COL8A1: variants seen among roughly 807,000 people sequenced by gnomAD.
COL8A1 encodes collagen alpha-1(VIII) chain.
A neutral mutation model predicts 42.7 loss-of-function variants in COL8A1; 21 were observed. That is an observed-to-expected ratio of 0.49 (90% CI 0.35 to 0.71). COL8A1 has a LOEUF of 0.71. Ranked by LOEUF, COL8A1 falls within the 30% of genes least tolerant of loss-of-function variation. COL8A1 has a pLI of 0.01. For synonymous variants in COL8A1, 367 were observed against 369.1 expected, an observed-to-expected ratio of 0.99 and a Z score of 0.06; for missense variants, 788 against 962.4, an observed-to-expected ratio of 0.82 and a Z score of 2.40.
intron 1 of COL8A1, among the ~76,000 whole-genome samples, chr3:99,706,452 T>A (rs1253491571): frequency 6.6e-6 from 1 of 150,988 alleles, no homozygotes; most frequent in Non-Finnish European, 1.5e-5. Context: ...GTGCTAACCA[T>A]ATCTGAGGCA....
intron 1 of COL8A1, among the ~76,000 whole-genome samples, chr3:99,682,605 A>T (rs149502463): frequency 4.1e-3 from 611 of 148,518 alleles, no homozygotes; most frequent in Non-Finnish European, 7.4e-3. Flanking sequence ...AAGTAAAAGG[A>T]ATGTGAAATT....
intron 2 of COL8A1, among the ~76,000 whole-genome samples, chr3:99,788,374 T>A (rs575801377): frequency 6.6e-6 from 1 of 152,346 alleles, no homozygotes; most frequent in Non-Finnish European, 1.5e-5. Context: ...TTCATTAGAT[T>A]GTCCTGGTTT....
intron 1 of COL8A1, among the ~76,000 whole-genome samples, chr3:99,670,637 G>A (rs1171298242): frequency 2.0e-5 from 3 of 151,772 alleles, no homozygotes; most frequent in Non-Finnish European, 4.4e-5. Context: ...TTTGAACTTC[G>A]CTTTCTTAGT....
At chr3:99,643,304 T>C (rs1032815823) in intron 1 of COL8A1, among the ~76,000 whole-genome samples, 1 of 152,212 alleles carries the variant, frequency 6.6e-6, no homozygotes. Flanking sequence ...ATACCTCTAC[T>C]ACCAAATGTC....
chr3:99,678,307 T>C (rs1938762112), intron 1 of COL8A1: 1 of 152,104 alleles, frequency 6.6e-6, no homozygotes, highest in Non-Finnish European at 1.5e-5. Context: ...TTCAAACAAC[T>C]GCTGGTTTGT....
intron 1 of COL8A1, among the ~76,000 whole-genome samples, chr3:99,650,080 C>A (rs1026526173): frequency 2.6e-5 from 4 of 152,120 alleles, no homozygotes; most frequent in Non-Finnish European, 5.9e-5. Flanking sequence ...TCTTCACCTC[C>A]CTCAAGTCTA....
rs1389142674 is a variant in COL8A1 at position 99,734,262 on chromosome 3, C to CTAGGGTTTT, written c.-128-10625_-128-10617dup. 1.4e-5 allele frequency among the ~76,000 whole-genome samples: 2 copies of CTAGGGTTTT among 139,726 alleles called. 1 individual carries two copies. Among genetic ancestry groups the CTAGGGTTTT allele is most frequent in the Non-Finnish European group, 3.1e-5 (2 of 65,358 alleles). The allele number at this position is 139,726 out of a possible 152,430, so 91.7% of individuals were successfully genotyped here. ...TGAATAGTATTGCCTAGGTTTTCTT[C>CTAGGGTTTT]TAGGGTTTTTAGGGTTTTAGGTCTA... On this transcript the variant is annotated intron_variant, in intron 1 of 3. Coordinates refer to ENST00000652472, the MANE Select transcript of COL8A1 (RefSeq NM_020351.4).
intron 1 of COL8A1, among the ~76,000 whole-genome samples, chr3:99,710,052 C>T (rs965788155): frequency 1.3e-5 from 2 of 152,130 alleles, no homozygotes; most frequent in Non-Finnish European, 2.9e-5. Flanking sequence ...CATTCAAATG[C>T]CATTTAACTC....
chr3:99,796,370 C>A lies in COL8A1; in HGVS notation c.*234C>A. The A allele has an allele frequency of 2.6e-6, 1 of 389,840 alleles. No individual in the cohort carries two copies. Among genetic ancestry groups the A allele is most frequent in the Non-Finnish European group, 4.6e-6 (1 of 217,416 alleles). 24.1% of individuals were successfully genotyped at this position (389,840 alleles called of 1,614,324 possible). ...GATAGAGTTATGTATCAAGTACTGACACTTGGTTGTACCCACTGGAATCAT... is the reference window on the plus strand; with the variant it reads ...GATAGAGTTATGTATCAAGTACTGAAACTTGGTTGTACCCACTGGAATCAT... On this transcript the variant is annotated 3_prime_UTR_variant, in exon 4 of 4. Transcript: ENST00000652472.
chr3:99,731,042 C>A (rs961949152), intron 1 of COL8A1, among the ~76,000 whole-genome samples: 2 of 151,970 alleles, frequency 1.3e-5, no homozygotes, highest in Non-Finnish European at 2.9e-5. Flanking sequence ...GAATGCCTAC[C>A]ATGTGCCAGG....
chr3:99,644,508 C>T (rs1026496336), intron 1 of COL8A1, among the ~76,000 whole-genome samples: 1 of 152,222 alleles, frequency 6.6e-6, no homozygotes. Flanking sequence ...AATAAGCAGA[C>T]AGATGTTAGC....
intron 1 of COL8A1, among the ~76,000 whole-genome samples, chr3:99,716,118 C>T (rs1461453696): frequency 2.0e-5 from 3 of 152,008 alleles, no homozygotes; most frequent in Non-Finnish European, 4.4e-5. Flanking sequence ...ACTTGGTGCA[C>T]CACATCTCAG....
rs879133583 is a variant in COL8A1, at chr3:99,734,305, C to T, written c.-128-10592C>T. Among the ~76,000 whole-genome samples the T allele has an allele frequency of 5.8e-5, 8 of 137,416 alleles. 2 individuals are homozygous for T. Among genetic ancestry groups the T allele is most frequent in the Admixed American group, 4.9e-4 (7 of 14,394 alleles). 90.2% of individuals were successfully genotyped at this position (137,416 alleles called of 152,430 possible). A position where few individuals can be genotyped will look rare whatever the true frequency, so the allele number is the denominator to read the frequency against. ...TAGGTCTAACATTTAAGTCTTCAATCCATCTTGAATTAATTTTTGTATAAG... is the reference window on the plus strand; with the variant it reads ...TAGGTCTAACATTTAAGTCTTCAATTCATCTTGAATTAATTTTTGTATAAG... On this transcript the variant is annotated intron_variant, in intron 1 of 3. Coordinates refer to ENST00000652472, the MANE Select transcript of COL8A1 (RefSeq NM_020351.4).
intron 2 of COL8A1, among the ~76,000 whole-genome samples, chr3:99,773,821 A>G (rs1393062761): frequency 1.5e-4 from 9 of 60,132 alleles, no homozygotes; most frequent in Non-Finnish European, 2.3e-4. Flanking sequence ...GTGTGTATAT[A>G]TATATATATA....
At chr3:99,740,392 T>A (rs1708167) in intron 1 of COL8A1, among the ~76,000 whole-genome samples, 71,753 of 152,062 alleles carry the variant, frequency 0.47, 17,208 homozygotes, top group East Asian at 0.63. Flanking sequence ...CTGGGTAATA[T>A]ATAAAGGCAA....
intron 1 of COL8A1, among the ~76,000 whole-genome samples, chr3:99,670,093 GT>G (rs1938495611): frequency 6.6e-6 from 1 of 152,032 alleles, no homozygotes; most frequent in African/African-American, 2.4e-5. Flanking sequence ...TTGCCTTGGT[GT>G]GAAATATATA....
At chr3:99,787,732 A>G (rs1201850195) in intron 2 of COL8A1, among the ~76,000 whole-genome samples, 1 of 152,212 alleles carries the variant, frequency 6.6e-6, no homozygotes, top group Non-Finnish European at 1.5e-5. Context: ...AAACTTAAAT[A>G]AAAGTCTTTT....
At chr3:99,721,839 T>C (rs918299626) in intron 1 of COL8A1, among the ~76,000 whole-genome samples, 4 of 151,804 alleles carry the variant, frequency 2.6e-5, no homozygotes, top group Non-Finnish European at 4.4e-5. Flanking sequence ...CGGAAGAGTC[T>C]ATCTGCCTTT....
intron 1 of COL8A1, among the ~76,000 whole-genome samples, chr3:99,726,319 T>G (rs1045506962): frequency 6.6e-6 from 1 of 151,918 alleles, no homozygotes; most frequent in Non-Finnish European, 1.5e-5. Context: ...TAGCCCTTTG[T>G]CATATGAGTA....
Sources: allele counts gnomAD v4.1 joint callset (sites outside exome capture counted in the v4.1 genomes callset), GRCh38; gene constraint gnomAD v4.1.1; transcripts MANE v1.5; gene names NCBI Gene and HGNC (gene_info 2026-07-23, HGNC 2026-07-21).